Variants in IGHMBP2 observed in about 807,000 individuals in gnomAD.
IGHMBP2 encodes immunoglobulin mu DNA binding protein 2.
A neutral mutation model predicts 96.0 loss-of-function variants in IGHMBP2; 81 were observed. The observed-to-expected ratio is 0.84, with a 90% CI of 0.71 to 1.01. IGHMBP2 has a LOEUF of 1.01. Among genes scored for constraint, IGHMBP2 ranks in the 50% least tolerant of loss-of-function variants. The pLI is 0.00. For missense variants in IGHMBP2, 1,227 were observed against 1,306.3 expected, an observed-to-expected ratio of 0.94 and a Z score of 0.94; for synonymous variants, 557 against 548.9, an observed-to-expected ratio of 1.01 and a Z score of -0.21.
At chr11:68,905,959 G>A in intron 1 of IGHMBP2, 110 bp from the exon 2 acceptor site, 1 of 1,090,018 alleles carries the variant, frequency 9.2e-7, no homozygotes, top group Non-Finnish European at 1.4e-6. Context: ...GACATATTTA[G>A]TGCCTGTGAG....
chr11:68,908,903 C>T (rs542930097), intron 4 of IGHMBP2, among the ~76,000 whole-genome samples: 97 of 148,528 alleles, frequency 6.5e-4, no homozygotes, highest in African/African-American at 1.9e-3. Context: ...TGCAGTGGCG[C>T]GATCTCAGCT....
At chr11:68,922,233 G>A (rs1325927203) in intron 7 of IGHMBP2, among the ~76,000 whole-genome samples, 4 of 151,806 alleles carry the variant, frequency 2.6e-5, no homozygotes, top group Non-Finnish European at 5.9e-5. Context: ...CAGGAGACTC[G>A]CTTGAACCCG....
chr11:68,908,716 A>G (rs977609144), intron 4 of IGHMBP2, 85 bp downstream of exon 4: 3 of 900,964 alleles, frequency 3.3e-6, no homozygotes, highest in Non-Finnish European at 5.4e-6. Flanking sequence ...TTTTAATAAG[A>G]GTTTGAGAAA....
At chr11:68,930,552 C>G in intron 8 of IGHMBP2, 1 of 1,204,924 alleles carries the variant, frequency 8.3e-7, no homozygotes, top group South Asian at 1.5e-5. Flanking sequence ...GAAAGATCGT[C>G]CTGGTGGGAG....
At chr11:68,929,578 C>T (rs1859196651) in intron 8 of IGHMBP2, among the ~76,000 whole-genome samples, 1 of 152,220 alleles carries the variant, frequency 6.6e-6, no homozygotes, top group Admixed American at 6.5e-5. Context: ...ATCTTTGTAG[C>T]TTCAGAACTG....
intron 4 of IGHMBP2, among the ~76,000 whole-genome samples, chr11:68,908,842 G>GTTTT (rs770866695): frequency 3.7e-5 from 5 of 134,616 alleles, no homozygotes; most frequent in Non-Finnish European, 4.8e-5. Context: ...TTCCATTGAG[G>GTTTT]TTTTTTTTTT....
At chr11:68,912,108 C>T (rs893879726) in intron 5 of IGHMBP2, among the ~76,000 whole-genome samples, 16 of 152,188 alleles carry the variant, frequency 1.1e-4, no homozygotes, top group African/African-American at 2.4e-4. Context: ...TTATTATTCA[C>T]TTACATTTTA....
intron 8 of IGHMBP2, among the ~76,000 whole-genome samples, chr11:68,931,387 G>T (rs1021019741): frequency 1.3e-5 from 2 of 152,052 alleles, no homozygotes; most frequent in African/African-American, 2.4e-5. Context: ...TGCCTGCTTC[G>T]TGGAGCAGGA....
chr11:68,907,760 C>T (rs113764703), intron 2 of IGHMBP2, among the ~76,000 whole-genome samples: 2,619 of 152,000 alleles, frequency 0.017, 81 homozygotes, highest in African/African-American at 0.058. Context: ...CTCACTCTGT[C>T]GCTCAGGCCG....
At chr11:68,929,084 C>T (rs1859172924) in intron 7 of IGHMBP2, 99 bp from the exon 8 acceptor site, 8 of 1,135,784 alleles carry the variant, frequency 7.0e-6, no homozygotes, top group Non-Finnish European at 1.1e-5. Context: ...CAATGCAAGC[C>T]TTGATGAAAC....
chr11:68,908,842 G>GTT lies in IGHMBP2; in HGVS notation c.547+226_547+227dup, dbSNP rs770866695. Among the ~76,000 whole-genome samples the GTT allele has an allele frequency of 0.22, 29,154 of 134,402 alleles. 4,084 individuals carry two copies. The highest frequency in any genetic ancestry group is 0.37 in the Admixed American group (4,779 of 12,822). The allele number at this position is 134,402 out of a possible 152,430, so 88.2% of individuals were successfully genotyped here. A position where few individuals can be genotyped will look rare whatever the true frequency, so the allele number is the denominator to read the frequency against. Reference sequence around the variant, plus strand: ...TAATGAACTGGCTCGTTCCATTGAGGTTTTTTTTTTTTTTTTGAGACAGAA... The same window carrying GTT: ...TAATGAACTGGCTCGTTCCATTGAGGTTTTTTTTTTTTTTTTTTGAGACAGAA... On this transcript the variant is annotated intron_variant, in intron 4 of 14. Coordinates refer to ENST00000255078, the MANE Select transcript of IGHMBP2 (RefSeq NM_002180.3).
chr11:68,913,343 G>A (rs540557294), intron 5 of IGHMBP2, among the ~76,000 whole-genome samples: 118 of 152,254 alleles, frequency 7.8e-4, no homozygotes, highest in Non-Finnish European at 1.4e-3. Context: ...CGCTTTGGTG[G>A]AGATATGCCT....
Position 68,936,724 on chromosome 11 carries a change from T to C in IGHMBP2, c.2244T>C (p.Pro748=). ...ASKKMQLEFP[P]SLNSHDRLRV... ...AGAAGATGCAGTTGGAGTTTCCTCC[T>C]TCCCTCAATTCCCACGACAGGCTGC... The change falls in exon 13 of 15, where the codon CCT becomes CCC. Residue 748 remains proline (P), a synonymous_variant. Coordinates refer to ENST00000255078, the MANE Select transcript of IGHMBP2 (RefSeq NM_002180.3). The C allele has an allele frequency of 6.2e-7, 1 of 1,614,074 alleles. No individual in the cohort carries two copies. The highest frequency in any genetic ancestry group is 8.5e-7 in the Non-Finnish European group (1 of 1,180,032).
In IGHMBP2 at chr11:68,914,850, G is replaced by T; in HGVS notation, c.739G>T (p.Ala247Ser). Residue 247 changes from alanine (A) to serine (S), a missense_variant, in exon 6 of 15, where the codon GCC becomes TCC. Ala to Ser is a moderately conservative substitution (Grantham distance 99). Coordinates refer to ENST00000255078, the MANE Select transcript of IGHMBP2 (RefSeq NM_002180.3). ...TCTGTGCTGCGCCCCCTCCAACATCGCCGTGGACAATCTGGTGGAGCGCCT... is the reference window on the plus strand; with the variant it reads ...TCTGTGCTGCGCCCCCTCCAACATCTCCGTGGACAATCTGGTGGAGCGCCT... Reference protein sequence around the residue: ...KVLCCAPSNIAVDNLVERLAL... With the variant: ...KVLCCAPSNISVDNLVERLAL... 4 of 1,614,200 alleles carry T rather than the reference G, an allele frequency of 2.5e-6. No homozygotes were observed. Among genetic ancestry groups the T allele is most frequent in the Non-Finnish European group, 3.4e-6 (4 of 1,180,038 alleles).
intron 7 of IGHMBP2, among the ~76,000 whole-genome samples, chr11:68,928,903 T>C (rs1231662268): frequency 6.7e-6 from 1 of 150,032 alleles, no homozygotes; most frequent in African/African-American, 2.5e-5. Context: ...ACAGCATCCC[T>C]TGGGCTTGGG....
Position 68,921,430 on chromosome 11 carries a change from A to G in IGHMBP2, c.1060+3547A>G, listed in dbSNP as rs76081448. On this transcript the variant is annotated intron_variant, in intron 7 of 14. Transcript: ENST00000255078. ...GTTTTTGTTGGCTTGTTAGCTATAT[A>G]TCTGTATTTGATTCTTTCAGTGGTT... 2.2e-4 allele frequency among the ~76,000 whole-genome samples: 34 copies of G among 152,162 alleles called. No individual in the cohort carries two copies. In the East Asian group the frequency reaches 6.4e-3, roughly 28 times the overall value.
At position 68,940,007 on chromosome 11, in the gene IGHMBP2, T is replaced by C; in HGVS notation, c.*276T>C. On this transcript the variant is annotated 3_prime_UTR_variant, in exon 15 of 15. Transcript: ENST00000255078. Reference sequence around the variant, plus strand: ...CCCTTACTCCCCGCCAAAACCCACATCCCAGCCTCTGGATCCTGGGGAAGG... The same window carrying C: ...CCCTTACTCCCCGCCAAAACCCACACCCCAGCCTCTGGATCCTGGGGAAGG... The C allele has an allele frequency of 2.1e-6, 1 of 482,556 alleles. No individual in the cohort carries two copies. Among genetic ancestry groups the C allele is most frequent in the Non-Finnish European group, 3.7e-6 (1 of 268,394 alleles). The allele number at this position is 482,556 out of a possible 1,614,324, so 29.9% of individuals were successfully genotyped here.
Position 68,918,148 on chromosome 11 carries a change from A to G in IGHMBP2, c.1060+265A>G, listed in dbSNP as rs545052331. ...AGCTTTCAAGAAGTTTGTCCATTTT[A>G]TCTAAACGGTTGAATTTAGAGGCAT... On this transcript the variant is annotated intron_variant, in intron 7 of 14. Coordinates refer to ENST00000255078, the MANE Select transcript of IGHMBP2 (RefSeq NM_002180.3). Among the ~76,000 whole-genome samples, 29 of 152,244 alleles carry G rather than the reference A, an allele frequency of 1.9e-4. 1 individual carries two copies. The highest frequency in any genetic ancestry group is 6.7e-4 in the African/African-American group (28 of 41,548).
rs1594457035 is a variant in IGHMBP2 at position 68,936,986 on chromosome 11, G to A, written c.2506G>A (p.Glu836Lys). ...DQPDLRTLHLERLQRVRSAQG... is the reference protein window; with the variant it reads ...DQPDLRTLHLKRLQRVRSAQG... ...GCCTGATCTGAGGACGCTGCACCTG[G>A]AGAGACTGCAGAGGGTCAGGAGCGC... is the stretch of plus-strand genomic sequence containing the variant. The change falls in exon 13 of 15, where the codon GAG becomes AAG. Residue 836 changes from glutamate (E) to lysine (K), a missense_variant. Around this residue, in one of 3 missense-constraint regions of IGHMBP2, gnomAD observed 703 missense variants for 770.3 expected, o/e 0.91. Transcript: ENST00000255078. 6.2e-7 allele frequency: 1 copy of A among 1,609,124 alleles called. No homozygotes were observed.
Sources: allele counts gnomAD v4.1 joint callset (sites outside exome capture counted in the v4.1 genomes callset), GRCh38; gene constraint gnomAD v4.1.1; regional missense constraint gnomAD v4.1.1; transcripts MANE v1.5; gene names NCBI Gene and HGNC (gene_info 2026-07-23, HGNC 2026-07-21).